Variants in ZFP64 observed in about 807,000 individuals in gnomAD.
ZFP64 encodes the protein ZFP64 zinc finger protein.
Under a neutral mutation model 51.6 loss-of-function variants are expected in ZFP64, and 14 were observed. That is an observed-to-expected ratio of 0.27 (90% CI 0.18 to 0.42). The LOEUF (loss-of-function observed/expected upper bound fraction) is 0.42, where lower values mean the gene tolerates loss of function less well. Among genes scored for constraint, ZFP64 ranks in the 10% least tolerant of loss-of-function variants. ZFP64 has a pLI of 1.00. For synonymous variants in ZFP64, 375 were observed against 361.4 expected, an observed-to-expected ratio of 1.04 and a Z score of -0.43; for missense variants, 754 against 906.8, an observed-to-expected ratio of 0.83 and a Z score of 2.16.
At chr20:52,121,047 G>A (rs1349792569) in intron 5 of ZFP64, among the ~76,000 whole-genome samples, 3 of 152,060 alleles carry the variant, frequency 2.0e-5, no homozygotes, top group Non-Finnish European at 2.9e-5. Context: ...CATGTAAGAC[G>A]GGAACTTAAT....
chr20:52,113,105 C>T (rs1277142250), intron 5 of ZFP64, among the ~76,000 whole-genome samples: 4 of 152,068 alleles, frequency 2.6e-5, no homozygotes, highest in African/African-American at 9.7e-5. Flanking sequence ...GAGTCTGAGG[C>T]AGGCAGATCA....
rs1177527085 is a variant in ZFP64, at chr20:52,186,829, T to C, written c.286+3A>G. 6.2e-7 allele frequency: 1 copy of C among 1,604,734 alleles called. No homozygotes were observed. The highest frequency in any genetic ancestry group is 2.2e-5 in the East Asian group (1 of 44,598). On this transcript the variant is annotated splice_donor_region_variant and intron_variant, in intron 2 of 5. Coordinates refer to ENST00000216923, the MANE Select transcript of ZFP64 (RefSeq NM_018197.3). The stretch of plus-strand genomic sequence containing the variant: ...GGCCGACTCCCCCATGCTCCAGCTG[T>C]ACCTGTGATTGTCTGGGTCTCCGAG...
chr20:52,159,848 C>T (rs1485188879), intron 5 of ZFP64, among the ~76,000 whole-genome samples: 1 of 152,050 alleles, frequency 6.6e-6, no homozygotes, highest in Non-Finnish European at 1.5e-5. Flanking sequence ...ATTAGCTGGA[C>T]GTGGTGCAAC....
At chr20:52,186,681 C>A in intron 2 of ZFP64, 151 bp downstream of exon 2, 1 of 1,074,132 alleles carries the variant, frequency 9.3e-7, no homozygotes. Flanking sequence ...CCTGGCTGGG[C>A]AGCTGGCTTC....
At chr20:52,155,071 A>G (rs6096799) in intron 5 of ZFP64, among the ~76,000 whole-genome samples, 24,154 of 152,246 alleles carry the variant, frequency 0.16, 2,101 homozygotes, top group Middle Eastern at 0.22. Context: ...TATAAAAGAA[A>G]CTAATTATAT....
At chr20:52,111,720 A>C (rs1415831554) in intron 5 of ZFP64, among the ~76,000 whole-genome samples, 1 of 152,166 alleles carries the variant, frequency 6.6e-6, no homozygotes, top group Admixed American at 6.5e-5. Context: ...CTTTACAAAC[A>C]TTATAAAGAT....
intron 5 of ZFP64, among the ~76,000 whole-genome samples, chr20:52,158,297 A>G (rs905806317): frequency 3.9e-5 from 6 of 152,150 alleles, no homozygotes; most frequent in Non-Finnish European, 7.4e-5. Flanking sequence ...AGATCACGCA[A>G]TTGTGGTCTT....
chr20:52,162,465 A>T (rs1194696702), intron 4 of ZFP64, among the ~76,000 whole-genome samples: 7 of 151,820 alleles, frequency 4.6e-5, no homozygotes, highest in Admixed American at 4.6e-4. Flanking sequence ...TCTCTACCAA[A>T]AATACAGAAA....
chr20:52,187,419 C>T (rs946565251), intron 1 of ZFP64, among the ~76,000 whole-genome samples: 15 of 151,800 alleles, frequency 9.9e-5, no homozygotes, highest in Admixed American at 8.5e-4. Context: ...GTCAGGAGTT[C>T]GAGACCAGCC....
intron 5 of ZFP64, among the ~76,000 whole-genome samples, chr20:52,099,326 T>C (rs1349403344): frequency 6.7e-6 from 1 of 149,978 alleles, no homozygotes; most frequent in Non-Finnish European, 1.5e-5. Context: ...AAACTTTTTT[T>C]TTTTTTTTTA....
At chr20:52,101,238 G>C (rs534451540) in intron 5 of ZFP64, among the ~76,000 whole-genome samples, 1 of 152,280 alleles carries the variant, frequency 6.6e-6, no homozygotes, top group East Asian at 1.9e-4. Context: ...GTGTAATCCT[G>C]ATACTATCTG....
chr20:52,120,772 GT>G (rs1263430008), intron 5 of ZFP64, among the ~76,000 whole-genome samples: 2 of 140,962 alleles, frequency 1.4e-5, no homozygotes, highest in Non-Finnish European at 3.0e-5. Flanking sequence ...CATCTTCCAG[GT>G]TCAAGAGATT....
intron 5 of ZFP64, among the ~76,000 whole-genome samples, chr20:52,107,892 A>G (rs1978350124): frequency 6.6e-6 from 1 of 152,260 alleles, no homozygotes; most frequent in South Asian, 2.1e-4. Flanking sequence ...AGATAATGCC[A>G]AAGTGATTGT....
intron 5 of ZFP64, among the ~76,000 whole-genome samples, chr20:52,158,544 A>G (rs1399754370): frequency 6.6e-6 from 1 of 151,994 alleles, no homozygotes; most frequent in Non-Finnish European, 1.5e-5. Flanking sequence ...CATCTCTACT[A>G]AAATACAAAA....
intron 5 of ZFP64, among the ~76,000 whole-genome samples, chr20:52,133,063 C>T (rs763093039): frequency 1.8e-4 from 27 of 152,098 alleles, no homozygotes; most frequent in Non-Finnish European, 3.7e-4. Context: ...ATACAAATCA[C>T]TCAATGTAAT....
exon 9 of ZFP64, chr20:52,084,365 G>GTGTC (rs2078841440): frequency 1.7e-6 from 1 of 590,732 alleles, no homozygotes; most frequent in Non-Finnish European, 3.0e-6. Flanking sequence ...AATGCGAGGA[G>GTGTC]TGTCTCCACA....
chr20:52,152,241 A>G lies in ZFP64; in HGVS notation c.1951T>C (p.Ser651Pro), dbSNP rs1980872383. 1 of 1,613,948 alleles carries G rather than the reference A, an allele frequency of 6.2e-7. No homozygotes were observed. The highest frequency in any genetic ancestry group is 1.7e-5 in the Admixed American group (1 of 59,994). ...ATTAPPVFSSSSQQELPKQTY... is the reference protein window; with the variant it reads ...ATTAPPVFSSPSQQELPKQTY... The stretch of plus-strand genomic sequence containing the variant: ...TGCTTGGGTAGTTCTTGCTGGGAAG[A>G]GGAGGAGAAGACCGGTGGCGCTGTG... The change falls in exon 6 of 6, where the codon TCT becomes CCT. Residue 651 changes from serine to proline, a missense_variant. By Grantham distance (74) the Ser-to-Pro change is moderately conservative. Transcript: ENST00000216923.
intron 8 of ZFP64, among the ~76,000 whole-genome samples, chr20:52,086,420 G>A (rs6013383): frequency 0.49 from 74,402 of 151,558 alleles, 18,676 homozygotes; most frequent in African/African-American, 0.57. Flanking sequence ...TTTCTTGAAA[G>A]AAGGAATCTC....
At chr20:52,164,294 C>T (rs1203918297) in intron 4 of ZFP64, among the ~76,000 whole-genome samples, 1 of 152,038 alleles carries the variant, frequency 6.6e-6, no homozygotes, top group African/African-American at 2.4e-5. Flanking sequence ...AAGAAAAAGA[C>T]AAAAAAAGAG....
Sources: gnomAD v4.1 joint callset for allele counts (sites outside exome capture counted in the v4.1 genomes callset) on GRCh38, gnomAD v4.1.1 for gene constraint, MANE v1.5 for transcripts, NCBI Gene and HGNC (gene_info 2026-07-23, HGNC 2026-07-21) for gene names.